The following TAF4 variants were observed in gnomAD, a reference collection of about 807,000 sequenced individuals.
The protein encoded by TAF4 is transcription initiation factor TFIID subunit 4.
TAF4 carries 9 observed loss-of-function variants against 90.3 expected under a neutral mutation model. That is an observed-to-expected ratio of 0.10 (90% confidence interval 0.06 to 0.17). TAF4 has a LOEUF of 0.17. Ranked by LOEUF, TAF4 falls within the 10% of genes least tolerant of loss-of-function variation. TAF4 has a pLI of 1.00. For synonymous variants in TAF4, 818 were observed against 638.9 expected (o/e 1.28, Z -4.23); for missense variants, 1,351 against 1,370.7 (o/e 0.99, Z 0.23).
chr20:62,063,674 C>T (rs1008358557), intron 1 of TAF4, among the ~76,000 whole-genome samples: 1 of 152,240 alleles, frequency 6.6e-6, no homozygotes, highest in Non-Finnish European at 1.5e-5. Context: ...CTCCCACTGC[C>T]CTCCCGAGGG....
chr20:62,006,275 C>G lies in TAF4; in HGVS notation c.2223+235G>C. 1 of 478,954 alleles carries G rather than the reference C, an allele frequency of 2.1e-6. No homozygotes were observed. Among genetic ancestry groups the G allele is most frequent in the Non-Finnish European group, 3.3e-6 (1 of 300,412 alleles). 29.7% of individuals were successfully genotyped at this position (478,954 alleles called of 1,614,324 possible). ...CCAGACAAGGCAGGGCGGGGACGTG[C>G]CGGTGGTTCAAAGCCAACTCAACTA... is the stretch of plus-strand genomic sequence containing the variant. On this transcript the variant is annotated intron_variant, in intron 7 of 14. Coordinates refer to ENST00000252996, the MANE Select transcript of TAF4 (RefSeq NM_003185.4). This position sits in a 1 kb window ranked among gnomAD's most constrained non-coding sequence, Gnocchi z 7.0.
Position 62,065,421 on chromosome 20 carries a change from G to GGGC in TAF4, c.387_389dup (p.Pro130dup), listed in dbSNP as rs2056124719. On this transcript the variant is annotated inframe_insertion, in exon 1 of 15. Coordinates refer to ENST00000252996, the MANE Select transcript of TAF4 (RefSeq NM_003185.4). ...GGGCGCAGGACCCCGCGCTGCCCTC[G>GGGC]GGCGGCGGCCTCAGCTTCGCGGCGG... The GGGC allele has an allele frequency of 1.0e-6, 1 of 975,118 alleles. No homozygotes were observed. The highest frequency in any genetic ancestry group is 1.2e-6 in the Non-Finnish European group (1 of 824,594). The allele number at this position is 975,118 out of a possible 1,614,324, so 60.4% of individuals were successfully genotyped here.
At chr20:62,014,387 G>A (rs569674725) in intron 2 of TAF4, among the ~76,000 whole-genome samples, 160 bp downstream of exon 2, 88 of 152,050 alleles carry the variant, frequency 5.8e-4, no homozygotes, top group African/African-American at 2.0e-3. Context: ...GCGCCGTCCC[G>A]GGCCCATCCT....
chr20:62,061,985 C>T (rs2056091296), intron 1 of TAF4, among the ~76,000 whole-genome samples: 1 of 152,194 alleles, frequency 6.6e-6, no homozygotes, highest in African/African-American at 2.4e-5. Context: ...TGTCCCCTCC[C>T]TTCTCCCACC....
rs377142554 is a variant in TAF4 at position 62,010,139 on chromosome 20, G to C, written c.1668C>G (p.Ala556=). 1.8e-4 allele frequency: 283 copies of C among 1,613,760 alleles called. No homozygotes were observed. Among genetic ancestry groups the C allele is most frequent in the Non-Finnish European group, 2.3e-4 (273 of 1,180,022 alleles). Residue 556 remains alanine, a synonymous_variant, in exon 4 of 15, where the codon GCC becomes GCG. Coordinates refer to ENST00000252996, the MANE Select transcript of TAF4 (RefSeq NM_003185.4). The surrounding 1 kb of genome is among the most constrained non-coding windows in gnomAD (Gnocchi z 4.5). The part of the protein sequence containing the change: ...VQPQLVLGGA[A]QTASLGTATA... Reference sequence around the variant, plus strand: ...TCGCCGTCCCAAGTGAAGCCGTCTGGGCAGCGCCACCCAGAACGAGCTGAG... The same window carrying C: ...TCGCCGTCCCAAGTGAAGCCGTCTGCGCAGCGCCACCCAGAACGAGCTGAG...
chr20:62,044,457 ATAAC>A (rs933262130), intron 1 of TAF4, among the ~76,000 whole-genome samples: 16 of 152,364 alleles, frequency 1.1e-4, no homozygotes, highest in African/African-American at 3.8e-4. Flanking sequence ...AAACCAAAAC[ATAAC>A]TAAATTGTGT....
chr20:62,025,854 A>G (rs2055871668), intron 1 of TAF4, among the ~76,000 whole-genome samples: 1 of 152,128 alleles, frequency 6.6e-6, no homozygotes, highest in South Asian at 2.1e-4. Flanking sequence ...CGTGGGAGGG[A>G]CAGGAAGGAG....
intron 1 of TAF4, among the ~76,000 whole-genome samples, chr20:62,064,107 C>T (rs1453093282): frequency 6.6e-6 from 1 of 152,268 alleles, no homozygotes; most frequent in African/African-American, 2.4e-5. Context: ...CTGCGCTGAG[C>T]CTACCAACCC....
intron 1 of TAF4, among the ~76,000 whole-genome samples, chr20:62,045,163 C>T (rs1164037564): frequency 1.3e-5 from 2 of 152,222 alleles, no homozygotes; most frequent in East Asian, 3.8e-4. Flanking sequence ...GAAGAGAACT[C>T]GCAAAGCCAT....
intron 1 of TAF4, among the ~76,000 whole-genome samples, chr20:62,024,290 G>A (rs1490462173): frequency 6.6e-6 from 1 of 152,124 alleles, no homozygotes; most frequent in Non-Finnish European, 1.5e-5. Context: ...AACTCAAAAT[G>A]GATCCAGACC....
chr20:62,041,707 G>C (rs1043872099), intron 1 of TAF4, among the ~76,000 whole-genome samples: 2 of 151,840 alleles, frequency 1.3e-5, no homozygotes, highest in Non-Finnish European at 2.9e-5. Context: ...GAGATGGGAA[G>C]ACTGCCTCAG....
At chr20:62,055,854 A>G (rs559186776) in intron 1 of TAF4, among the ~76,000 whole-genome samples, 1 of 152,272 alleles carries the variant, frequency 6.6e-6, no homozygotes, top group South Asian at 2.1e-4. Context: ...CACACCATGA[A>G]AGCAGGGGCT....
At chr20:62,059,365 A>C (rs113093841) in intron 1 of TAF4, among the ~76,000 whole-genome samples, 2 of 152,362 alleles carry the variant, frequency 1.3e-5, no homozygotes, top group African/African-American at 4.8e-5. Context: ...TGTAAAAATC[A>C]AAAGTTTTCA....
At chr20:62,056,040 C>A (rs528274898) in intron 1 of TAF4, among the ~76,000 whole-genome samples, 2 of 152,266 alleles carry the variant, frequency 1.3e-5, no homozygotes, top group East Asian at 3.9e-4. Flanking sequence ...AGTTCGAGAC[C>A]AACCTGGCCA....
chr20:61,977,534 T>G (rs892040719), intron 14 of TAF4, among the ~76,000 whole-genome samples: 4 of 152,174 alleles, frequency 2.6e-5, no homozygotes, highest in African/African-American at 9.7e-5. Context: ...TCTGCCACTT[T>G]CAGTTCAGGC....
chr20:62,040,703 A>G (rs6089623), intron 1 of TAF4, among the ~76,000 whole-genome samples: 105,494 of 152,158 alleles, frequency 0.69, 36,757 homozygotes, highest in Middle Eastern at 0.78. Context: ...AGAGCCAGCA[A>G]GATCTCACGG....
intron 1 of TAF4, among the ~76,000 whole-genome samples, chr20:62,064,054 T>C (rs906528800): frequency 2.6e-5 from 4 of 152,168 alleles, no homozygotes; most frequent in African/African-American, 9.7e-5. Flanking sequence ...CCCCAGGTAC[T>C]GCCCTCAGCT....
chr20:62,056,236 C>T (rs942869301), intron 1 of TAF4, among the ~76,000 whole-genome samples: 3 of 150,972 alleles, frequency 2.0e-5, no homozygotes, highest in Admixed American at 1.3e-4. Flanking sequence ...GACTCTGTCT[C>T]GAAAAAAAAG....
intron 11 of TAF4, among the ~76,000 whole-genome samples, chr20:61,999,331 C>G (rs1403948345): frequency 6.6e-6 from 1 of 152,232 alleles, no homozygotes; most frequent in Non-Finnish European, 1.5e-5. Flanking sequence ...CAGGGGCACA[C>G]TTGTGGGAGA....
Sources: allele counts gnomAD v4.1 joint callset (sites outside exome capture counted in the v4.1 genomes callset), GRCh38; gene constraint gnomAD v4.1.1; non-coding constraint Gnocchi (gnomAD v3.1); transcripts MANE v1.5; gene names NCBI Gene and HGNC (gene_info 2026-07-23, HGNC 2026-07-21).